Variants in SUPT3H observed in about 807,000 individuals in gnomAD.
The protein encoded by SUPT3H is SPT3 homolog, SAGA and STAGA complex component.
Under a neutral mutation model 44.3 loss-of-function variants are expected in SUPT3H, and 44 were observed. The ratio of observed to expected loss-of-function variants is 0.99; its 90% CI spans 0.78 to 1.28. SUPT3H has a LOEUF of 1.28. Among genes scored for constraint, SUPT3H ranks in the 50% most tolerant of loss-of-function variants. The probability of loss-of-function intolerance (pLI) is 0.00; values close to 1 mark genes in which losing one functional copy is unlikely to be tolerated. For synonymous variants in SUPT3H, 124 were observed against 125.6 expected, an observed-to-expected ratio of 0.99 and a Z score of 0.09; for missense variants, 380 against 387.1, an observed-to-expected ratio of 0.98 and a Z score of 0.15.
intron 3 of SUPT3H, among the ~76,000 whole-genome samples, chr6:45,084,553 T>G (rs1490745002): frequency 6.6e-6 from 1 of 152,168 alleles, no homozygotes; most frequent in Non-Finnish European, 1.5e-5. Context: ...GAAAGCAGTT[T>G]GGAGATTTCA....
chr6:45,133,672 A>G (rs1215986867), intron 2 of SUPT3H, among the ~76,000 whole-genome samples: 1 of 152,190 alleles, frequency 6.6e-6, no homozygotes, highest in Non-Finnish European at 1.5e-5. Flanking sequence ...GACTCTGTGG[A>G]TATTTTTTCC....
intron 2 of SUPT3H, among the ~76,000 whole-genome samples, chr6:45,150,720 GTTTTTTTTTT>G (rs11319902): frequency 2.0e-5 from 2 of 99,294 alleles, no homozygotes; most frequent in African/African-American, 4.1e-5. Context: ...TTTATTCTGC[GTTTTTTTTTT>G]TTTTTTTTTT....
At chr6:44,919,523 A>AT (rs1484398869) in intron 10 of SUPT3H, among the ~76,000 whole-genome samples, 1 of 150,930 alleles carries the variant, frequency 6.6e-6, no homozygotes, top group African/African-American at 2.4e-5. Flanking sequence ...CTTAACCAGG[A>AT]TATCCCCCTG....
Position 44,863,578 on chromosome 6 carries a change from G to A in SUPT3H, c.913-33721C>T, listed in dbSNP as rs141951883. 1.7e-4 allele frequency among the ~76,000 whole-genome samples: 26 copies of A among 152,272 alleles called. No individual in the cohort carries two copies. The East Asian group carries it at 5.0e-3, about 29-fold the overall frequency. ...GACGTTGGGGTAGGAACATTAAGTG[G>A]AGTCTTTGAGGAACAGGATAGAGGT... On this transcript the variant is annotated intron_variant, in intron 10 of 10. Coordinates refer to ENST00000371459, the MANE Select transcript of SUPT3H (RefSeq NM_003599.4).
In SUPT3H at chr6:44,953,333, TGAA is replaced by T. The variant is rs1562122283; in HGVS notation, c.775_777del (p.Phe259del). 6.2e-7 allele frequency: 1 copy of T among 1,614,096 alleles called. No individual in the cohort carries two copies. The highest frequency in any genetic ancestry group is 1.7e-5 in the Admixed American group (1 of 60,022). On this transcript the variant is annotated inframe_deletion, in exon 9 of 11. Coordinates refer to ENST00000371459, the MANE Select transcript of SUPT3H (RefSeq NM_003599.4). ...ACCTCAGCAGAGTTGTGATACTGAA[TGAA>T]GGTTGCAGAAATGGCATGGCTGAAG...
chr6:45,285,041 A>AAT, intron 2 of SUPT3H, among the ~76,000 whole-genome samples: 1 of 151,954 alleles, frequency 6.6e-6, no homozygotes, highest in South Asian at 2.1e-4. Context: ...AAAATTCAAC[A>AAT]GCCCTTCATG....
At chr6:45,310,965 A>G (rs960251558) in intron 2 of SUPT3H, among the ~76,000 whole-genome samples, 5 of 152,268 alleles carry the variant, frequency 3.3e-5, no homozygotes, top group Middle Eastern at 3.2e-3. Context: ...TCAGGAAGTT[A>G]GTTATTAAGC....
intron 10 of SUPT3H, among the ~76,000 whole-genome samples, chr6:44,862,677 C>CA (rs3997535): frequency 0.049 from 6,864 of 138,676 alleles, 315 homozygotes; most frequent in African/African-American, 0.11. Flanking sequence ...AACTCTGTAT[C>CA]AAAAAAAAAA....
At chr6:44,990,120 C>T (rs1780400674) in intron 6 of SUPT3H, among the ~76,000 whole-genome samples, 1 of 152,094 alleles carries the variant, frequency 6.6e-6, no homozygotes, top group Non-Finnish European at 1.5e-5. Context: ...AGGAGTTTTA[C>T]ACTTTTATGT....
chr6:44,888,337 C>T (rs1210046771), intron 10 of SUPT3H, among the ~76,000 whole-genome samples: 1 of 152,048 alleles, frequency 6.6e-6, no homozygotes, highest in East Asian at 1.9e-4. Context: ...GACCAATATC[C>T]TTGATGAACA....
chr6:45,153,157 T>C (rs769865623), intron 2 of SUPT3H, among the ~76,000 whole-genome samples: 56 of 152,168 alleles, frequency 3.7e-4, no homozygotes, highest in Non-Finnish European at 6.3e-4. Flanking sequence ...TCATATTCCA[T>C]CCCCTTATCC....
At chr6:45,024,656 G>A (rs889317852) in intron 3 of SUPT3H, among the ~76,000 whole-genome samples, 1 of 152,026 alleles carries the variant, frequency 6.6e-6, no homozygotes. Context: ...TTAATTTTGT[G>A]TGTCAATTTG....
chr6:45,061,736 A>T (rs1792081613), intron 3 of SUPT3H, among the ~76,000 whole-genome samples: 1 of 150,796 alleles, frequency 6.6e-6, no homozygotes, highest in Admixed American at 6.6e-5. Flanking sequence ...CATTATGACT[A>T]TATATATCAA....
intron 2 of SUPT3H, among the ~76,000 whole-genome samples, chr6:45,203,011 A>T (rs1166892522): frequency 6.6e-6 from 1 of 152,174 alleles, no homozygotes; most frequent in Non-Finnish European, 1.5e-5. Flanking sequence ...GATAAAATAT[A>T]AGGTAAAGAT....
In SUPT3H at chr6:45,230,660, G is replaced by GCATATATATA. The variant is rs765270979; in HGVS notation, c.102-124655_102-124654insTATATATATG. On this transcript the variant is annotated intron_variant, in intron 2 of 10. Coordinates refer to ENST00000371459, the MANE Select transcript of SUPT3H (RefSeq NM_003599.4). The stretch of plus-strand genomic sequence containing the variant: ...TGAAATCATGTTTTAAATTCATTCA[G>GCATATATATA]TCTATATATATATATATATATATAT... 1.3e-3 allele frequency among the ~76,000 whole-genome samples: 69 copies of GCATATATATA among 51,130 alleles called. 12 individuals are homozygous for GCATATATATA. Among genetic ancestry groups the GCATATATATA allele is most frequent in the South Asian group, 2.9e-3 (3 of 1,032 alleles). The allele number at this position is 51,130 out of a possible 152,430, so 33.5% of individuals were successfully genotyped here. A position where few individuals can be genotyped will look rare whatever the true frequency, so the allele number is the denominator to read the frequency against.
chr6:45,126,751 G>A (rs917662251), intron 2 of SUPT3H, among the ~76,000 whole-genome samples: 20 of 152,232 alleles, frequency 1.3e-4, no homozygotes, highest in Admixed American at 1.2e-3. Context: ...AGGGAAATCA[G>A]GATAAAATAG....
intron 3 of SUPT3H, among the ~76,000 whole-genome samples, chr6:45,021,471 A>G (rs1785128414): frequency 1.3e-5 from 2 of 151,938 alleles, no homozygotes; most frequent in Non-Finnish European, 2.9e-5. Context: ...GCCCATCTGA[A>G]AAAAATAAAG....
At chr6:44,966,877 A>G (rs1186646890) in intron 6 of SUPT3H, among the ~76,000 whole-genome samples, 1 of 152,192 alleles carries the variant, frequency 6.6e-6, no homozygotes, top group Non-Finnish European at 1.5e-5. Flanking sequence ...TTCATACTGA[A>G]CATTCTCAAA....
At chr6:45,151,470 T>C (rs1288485529) in intron 2 of SUPT3H, among the ~76,000 whole-genome samples, 2 of 152,166 alleles carry the variant, frequency 1.3e-5, no homozygotes, top group South Asian at 2.1e-4. Context: ...ATCAAACTGA[T>C]ATTCTTAGAA....
Sources: gnomAD v4.1 joint callset for allele counts (sites outside exome capture counted in the v4.1 genomes callset) on GRCh38, gnomAD v4.1.1 for gene constraint, MANE v1.5 for transcripts, NCBI Gene and HGNC (gene_info 2026-07-23, HGNC 2026-07-21) for gene names.